RRP1B: variants seen among roughly 807,000 people sequenced by gnomAD.
The protein encoded by RRP1B is ribosomal RNA processing 1B, also known as ribosomal RNA processing protein 1 homolog B.
In RRP1B, 56 loss-of-function variants were observed where a neutral mutation model predicts 80.2. That is an observed-to-expected ratio of 0.70 (90% CI 0.56 to 0.87). The LOEUF (loss-of-function observed/expected upper bound fraction) is 0.87, where lower values mean the gene tolerates loss of function less well. Among genes scored for constraint, RRP1B ranks in the 40% least tolerant of loss-of-function variants. RRP1B has a pLI of 0.00. For synonymous variants in RRP1B, 351 were observed against 357.6 expected (o/e 0.98, Z 0.21); for missense variants, 807 against 939.8 (o/e 0.86, Z 1.85).
chr21:43,661,527 TC>T (rs2082957540), intron 1 of RRP1B, among the ~76,000 whole-genome samples: 1 of 152,152 alleles, frequency 6.6e-6, no homozygotes. Flanking sequence ...CCGTCCTCCC[TC>T]GTTCACCTCC....
In RRP1B at chr21:43,685,804, G is replaced by C; in HGVS notation, c.1009+15G>C. On this transcript the variant is annotated intron_variant, in intron 11 of 15. Transcript: ENST00000340648. ...CCTTTCTGAAGGTGAGGCGCGCCAA[G>C]AATCATCATTCATGGTGTTTTTCGT... The C allele has an allele frequency of 3.1e-6, 5 of 1,591,216 alleles. No individual in the cohort carries two copies. The highest frequency in any genetic ancestry group is 4.3e-6 in the Non-Finnish European group (5 of 1,168,318).
At chr21:43,687,492 G>T (rs202044263) in intron 12 of RRP1B, 24 bp from the exon 13 acceptor site, 5 of 1,471,154 alleles carry the variant, frequency 3.4e-6, no homozygotes, top group Non-Finnish European at 4.5e-6. Context: ...CTGGGTGCTT[G>T]TTGATGGGTT....
At chr21:43,677,096 G>C (rs955155628) in intron 8 of RRP1B, among the ~76,000 whole-genome samples, 182 bp downstream of exon 8, 5 of 152,176 alleles carry the variant, frequency 3.3e-5, no homozygotes, top group African/African-American at 9.7e-5. Flanking sequence ...GCCTAGCGGG[G>C]CTCTGGGGAG....
At chr21:43,684,173 G>A (rs928622301) in intron 9 of RRP1B, among the ~76,000 whole-genome samples, 6 of 149,376 alleles carry the variant, frequency 4.0e-5, no homozygotes, top group Non-Finnish European at 7.4e-5. Context: ...CTGAGTTCAC[G>A]CCATTCTCCT....
chr21:43,687,682 G>A lies in RRP1B; in HGVS notation c.1308G>A (p.Leu436=), dbSNP rs149494438. Residue 436 remains leucine, a synonymous_variant, in exon 13 of 16, where the codon CTG becomes CTA. Transcript: ENST00000340648. ...NRGREPEASG[L]KALKARVAEP... is the part of the protein sequence containing the mutation. The stretch of plus-strand genomic sequence containing the variant: ...GCAGGGAGCCCGAGGCCTCTGGGCT[G>A]AAAGCCCTGAAGGCACGTGTGGCCG... The A allele has an allele frequency of 6.9e-6, 11 of 1,604,204 alleles. No homozygotes were observed. The highest frequency in any genetic ancestry group is 1.7e-5 in the Admixed American group (1 of 59,348).
chr21:43,675,905 A>G (rs2147167709), intron 6 of RRP1B, among the ~76,000 whole-genome samples: 1 of 142,966 alleles, frequency 7.0e-6, no homozygotes, highest in South Asian at 2.1e-4. Flanking sequence ...TTTTTAGCTC[A>G]TCAGCTGTTG....
rs2083014430 is a variant in RRP1B at position 43,674,700 on chromosome 21, C to T, written c.419+3C>T. On this transcript the variant is annotated splice_donor_region_variant and intron_variant, in intron 5 of 15. Coordinates refer to ENST00000340648, the MANE Select transcript of RRP1B (RefSeq NM_015056.3). ...AAGCGAAATGGCTGGGAAGAAAGGT[C>T]AGTAAACCATTTGAGTTAGCATGTG... is the stretch of plus-strand genomic sequence containing the variant. 6.3e-7 allele frequency: 1 copy of T among 1,594,722 alleles called. No individual in the cohort carries two copies. Among genetic ancestry groups the T allele is most frequent in the Admixed American group, 1.8e-5 (1 of 56,958 alleles).
In RRP1B at chr21:43,693,227, C is replaced by A; in HGVS notation, c.2121C>A (p.Pro707=). ...CAGACAAGAGTATCTTGGTCAGTCC[C>A]ACGGGCCCTTCTCGAGTGGCCTTCG... ...KKTDKSILVS[P]TGPSRVAFDP... is the part of the protein sequence containing the mutation. Residue 707 remains proline, a synonymous_variant, in exon 16 of 16, where the codon CCC becomes CCA. Transcript: ENST00000340648. This position sits in a 1 kb window ranked among gnomAD's most constrained non-coding sequence, Gnocchi z 4.1. 1.2e-6 allele frequency: 2 copies of A among 1,614,046 alleles called. No individual in the cohort carries two copies. The highest frequency in any genetic ancestry group is 1.7e-6 in the Non-Finnish European group (2 of 1,180,006).
intron 13 of RRP1B, among the ~76,000 whole-genome samples, chr21:43,689,743 G>C (rs1054844166): frequency 6.6e-6 from 1 of 152,274 alleles, no homozygotes; most frequent in Non-Finnish European, 1.5e-5. Context: ...CTGCCCTCCA[G>C]GCGGCACACT....
rs747460153 is a variant in RRP1B at position 43,672,295 on chromosome 21, C to G, written c.214-13C>G. On this transcript the variant is annotated splice_polypyrimidine_tract_variant and intron_variant, in intron 2 of 15. Coordinates refer to ENST00000340648, the MANE Select transcript of RRP1B (RefSeq NM_015056.3). ...GATAACCCCCATGTTTCTCCCCAACCCCGCCTCTGCAGGAAGAGCTCGCCA... is the reference window on the plus strand; with the variant it reads ...GATAACCCCCATGTTTCTCCCCAACGCCGCCTCTGCAGGAAGAGCTCGCCA... The G allele has an allele frequency of 6.2e-7, 1 of 1,613,878 alleles. No individual in the cohort carries two copies.
intron 1 of RRP1B, among the ~76,000 whole-genome samples, chr21:43,660,890 C>A (rs537885930): frequency 3.7e-4 from 56 of 152,204 alleles, no homozygotes; most frequent in Middle Eastern, 3.4e-3. Flanking sequence ...TTACCTGATC[C>A]AAAAATACTT....
chr21:43,694,748 C>G lies in RRP1B; in HGVS notation c.*1365C>G, dbSNP rs540309178. On this transcript the variant is annotated 3_prime_UTR_variant, in exon 16 of 16. Coordinates refer to ENST00000340648, the MANE Select transcript of RRP1B (RefSeq NM_015056.3). ...GGCCAGTCCCCTTCTCCACTGCTGC[C>G]TCCCAGCAGAGGGCCCCAGGATCTC... 6 of 152,458 alleles carry G rather than the reference C, an allele frequency of 3.9e-5. No individual in the cohort carries two copies. The East Asian group carries it at 7.7e-4, about 20-fold the overall frequency. The allele number at this position is 152,458 out of a possible 1,614,324, so 9.4% of individuals were successfully genotyped here. A position where few individuals can be genotyped will look rare whatever the true frequency, so the allele number is the denominator to read the frequency against.
chr21:43,674,994 G>T (rs370908361), intron 5 of RRP1B, 40 bp from the exon 6 acceptor site: 8 of 1,610,294 alleles, frequency 5.0e-6, no homozygotes, highest in Non-Finnish European at 6.8e-6. Context: ...GGACGTGTTG[G>T]CATACTGTCA....
At chr21:43,669,513 T>G (rs995119599) in intron 1 of RRP1B, among the ~76,000 whole-genome samples, 1 of 152,134 alleles carries the variant, frequency 6.6e-6, no homozygotes, top group African/African-American at 2.4e-5. Flanking sequence ...AGATTTGCAG[T>G]TTTACTTCAC....
Position 43,659,848 on chromosome 21 carries a change from TG to T in RRP1B, c.130+58del. ...CACATGGCGGGCCGGGGGCCGGGGC[TG>T]GGGCTAGGGCCAGGGCCCCGGCACG... On this transcript the variant is annotated intron_variant, in intron 1 of 15. Transcript: ENST00000340648. The surrounding 1 kb of genome is among the most constrained non-coding windows in gnomAD (Gnocchi z 4.2). 2 of 1,462,624 alleles carry T rather than the reference TG, an allele frequency of 1.4e-6. No individual in the cohort carries two copies. Among genetic ancestry groups the T allele is most frequent in the South Asian group, 1.3e-5 (1 of 74,268 alleles). 90.6% of individuals were successfully genotyped at this position (1,462,624 alleles called of 1,614,324 possible).
chr21:43,688,234 G>A lies in RRP1B; in HGVS notation c.1860G>A (p.Gln620=). 1.3e-6 allele frequency: 2 copies of A among 1,548,484 alleles called. No individual in the cohort carries two copies. The highest frequency in any genetic ancestry group is 3.8e-5 in the Admixed American group (2 of 52,130). The stretch of plus-strand genomic sequence containing the variant: ...TGGAGTCCGAAGCTGGGCAACCCCA[G>A]GCTCTGGTAAGGTGGGAGCACCCAC... ...GVLESEAGQP[Q]ALGSSGTCSS... is the part of the protein sequence containing the mutation. The change falls in exon 13 of 16, where the codon CAG becomes CAA. Residue 620 remains glutamine (Q), a synonymous_variant. Transcript: ENST00000340648.
At chr21:43,667,929 C>T (rs773998829) in intron 1 of RRP1B, among the ~76,000 whole-genome samples, 5 of 152,186 alleles carry the variant, frequency 3.3e-5, no homozygotes, top group Non-Finnish European at 5.9e-5. Context: ...AAATGCAGGC[C>T]GGGTGTGGTG....
intron 8 of RRP1B, among the ~76,000 whole-genome samples, chr21:43,680,050 A>T (rs2083037286): frequency 6.6e-6 from 1 of 152,122 alleles, no homozygotes; most frequent in Admixed American, 6.5e-5. Context: ...TTGTATCCTG[A>T]AACTTTGCTG....
At position 43,687,298 on chromosome 21, in the gene RRP1B, C is replaced by T. The variant is rs532800216; in HGVS notation, c.1142-218C>T. 5.9e-5 allele frequency among the ~76,000 whole-genome samples: 9 copies of T among 152,206 alleles called. No individual in the cohort carries two copies. In the South Asian group the frequency reaches 1.5e-3, roughly 25 times the overall value. On this transcript the variant is annotated intron_variant, in intron 12 of 15. Transcript: ENST00000340648. ...TTTCAGTTCCATATGTGTTTATAAA[C>T]GGACAGAAGGAAGGCTTCCAGTCAC...
Sources: allele counts gnomAD v4.1 joint callset (sites outside exome capture counted in the v4.1 genomes callset), GRCh38; gene constraint gnomAD v4.1.1; non-coding constraint Gnocchi (gnomAD v3.1); transcripts MANE v1.5; gene names NCBI Gene and HGNC (gene_info 2026-07-23, HGNC 2026-07-21).